AFF2: variants seen among roughly 807,000 people sequenced by gnomAD.
AFF2 encodes ALF transcription elongation factor 2, also known as AF4/FMR2 family member 2.
A neutral mutation model predicts 76.9 loss-of-function variants in AFF2; 14 were observed. The ratio of observed to expected loss-of-function variants is 0.18; its 90% CI spans 0.12 to 0.28. The LOEUF is 0.28. Among genes scored for constraint, AFF2 ranks in the 10% least tolerant of loss-of-function variants. The pLI is 1.00. For synonymous variants in AFF2, 398 were observed against 366.7 expected (o/e 1.09, Z -0.98); for missense variants, 868 against 1,001.1 (o/e 0.87, Z 1.79).
chrX:148,787,712 A>G (rs1429114706), intron 3 of AFF2, among the ~76,000 whole-genome samples: 4 of 112,397 alleles, frequency 3.6e-5, no homozygotes, highest in Admixed American at 2.8e-4. Context: ...TGGTTGACAT[A>G]GATGGGAAAA....
At chrX:148,674,931 C>T (rs953228224) in intron 3 of AFF2, among the ~76,000 whole-genome samples, 6 of 112,476 alleles carry the variant, frequency 5.3e-5, no homozygotes, top group African/African-American at 1.3e-4. Context: ...GTATAGCCTA[C>T]GACTTTGAGT....
chrX:148,543,833 G>C (rs1180851964), intron 1 of AFF2, among the ~76,000 whole-genome samples: 2 of 112,259 alleles, frequency 1.8e-5, no homozygotes, highest in African/African-American at 6.5e-5. Flanking sequence ...TTTGTTTAAT[G>C]ATCTGCACGT....
intron 8 of AFF2, among the ~76,000 whole-genome samples, chrX:148,897,271 A>G (rs1190158563): frequency 6.3e-5 from 1 of 15,893 alleles, no homozygotes; most frequent in African/African-American, 3.4e-4. Flanking sequence ...ATATATATAT[A>G]TGTATATGAA....
intron 2 of AFF2, among the ~76,000 whole-genome samples, chrX:148,653,678 T>C (rs2054224866): frequency 9.0e-6 from 1 of 111,115 alleles, no homozygotes; most frequent in South Asian, 3.8e-4. Context: ...TTGTAATTGA[T>C]GAGGGGAGCT....
intron 7 of AFF2, among the ~76,000 whole-genome samples, chrX:148,882,785 A>G (rs2071113524): frequency 8.9e-6 from 1 of 112,277 alleles, no homozygotes; most frequent in African/African-American, 3.2e-5. Flanking sequence ...TGAAAATGCA[A>G]ACAAGTACAT....
At chrX:148,550,867 T>C (rs782157537) in intron 1 of AFF2, among the ~76,000 whole-genome samples, 1 of 110,534 alleles carries the variant, frequency 9.0e-6, no homozygotes, top group South Asian at 3.9e-4. Flanking sequence ...TATATGTGAA[T>C]CAGGGTTTCT....
chrX:148,743,197 T>C (rs1411809303), intron 3 of AFF2, among the ~76,000 whole-genome samples: 1 of 112,232 alleles, frequency 8.9e-6, no homozygotes, highest in Non-Finnish European at 1.9e-5. Flanking sequence ...AAACAAATGG[T>C]ATTACATTAT....
chrX:148,882,710 A>G (rs933268930), intron 7 of AFF2, among the ~76,000 whole-genome samples: 3 of 112,082 alleles, frequency 2.7e-5, no homozygotes, highest in African/African-American at 9.7e-5. Context: ...TGCTATAATA[A>G]TTAAATCTAA....
chrX:148,721,458 T>A (rs924125372), intron 3 of AFF2, among the ~76,000 whole-genome samples: 1 of 111,767 alleles, frequency 8.9e-6, no homozygotes, highest in African/African-American at 3.3e-5. Flanking sequence ...TGAAAATCAT[T>A]GTGCGGATAA....
chrX:148,512,965 A>T (rs2052498190), intron 1 of AFF2, among the ~76,000 whole-genome samples: 1 of 111,654 alleles, frequency 9.0e-6, no homozygotes, highest in Non-Finnish European at 1.9e-5. Flanking sequence ...TGTAAGGAAG[A>T]TTCACTGATT....
intron 1 of AFF2, among the ~76,000 whole-genome samples, chrX:148,540,552 G>C (rs1259087157): frequency 9.0e-6 from 1 of 110,669 alleles, no homozygotes; most frequent in African/African-American, 3.3e-5. Flanking sequence ...TTGTGCCTTA[G>C]TGTCATTCCC....
chrX:148,551,482 G>GAAA (rs781883999), intron 1 of AFF2, among the ~76,000 whole-genome samples: 76 of 37,996 alleles, frequency 2.0e-3, no homozygotes, highest in African/African-American at 6.4e-3. Context: ...GCTGGGAAGT[G>GAAA]AAAAAAAAAA....
At chrX:148,754,421 C>T (rs974117674) in intron 3 of AFF2, among the ~76,000 whole-genome samples, 7 of 109,041 alleles carry the variant, frequency 6.4e-5, no homozygotes, top group African/African-American at 2.3e-4. Flanking sequence ...GAGCTGATAA[C>T]TGTTTTCTTC....
At chrX:148,741,408 G>C (rs2055349865) in intron 3 of AFF2, among the ~76,000 whole-genome samples, 2 of 110,186 alleles carry the variant, frequency 1.8e-5, no homozygotes, top group African/African-American at 6.6e-5. Context: ...CAGGTAGTCA[G>C]GGAAGTGGGG....
chrX:148,944,732 C>T (rs374476152), intron 9 of AFF2, among the ~76,000 whole-genome samples: 19 of 110,410 alleles, frequency 1.7e-4, no homozygotes, highest in African/African-American at 6.3e-4. Flanking sequence ...GCCAGTCTTA[C>T]TGGGAACATG....
intron 9 of AFF2, among the ~76,000 whole-genome samples, chrX:148,943,461 T>C (rs782341857): frequency 8.9e-6 from 1 of 111,986 alleles, no homozygotes; most frequent in African/African-American, 3.2e-5. Context: ...ATGAGTTTTG[T>C]AGTGGGTTTT....
chrX:148,810,783 G>A (rs1229960236), intron 4 of AFF2, among the ~76,000 whole-genome samples: 1 of 112,042 alleles, frequency 8.9e-6, no homozygotes, highest in Non-Finnish European at 1.9e-5. Flanking sequence ...GTGTAGTCAT[G>A]TAAAAACCAT....
At chrX:148,796,992 A>T (rs986626150) in intron 3 of AFF2, among the ~76,000 whole-genome samples, 1 of 112,399 alleles carries the variant, frequency 8.9e-6, no homozygotes, top group African/African-American at 3.2e-5. Context: ...TAAAAATTGA[A>T]CTATCTACAT....
At chrX:148,650,136 G>A (rs1289257393) in intron 1 of AFF2, among the ~76,000 whole-genome samples, 1 of 110,649 alleles carries the variant, frequency 9.0e-6, no homozygotes, top group Non-Finnish European at 1.9e-5. Context: ...TAAATTGATG[G>A]GATTGGATTA....
Sources: gnomAD v4.1 joint callset for allele counts (sites outside exome capture counted in the v4.1 genomes callset) on GRCh38, gnomAD v4.1.1 for gene constraint, MANE v1.5 for transcripts, NCBI Gene and HGNC (gene_info 2026-07-23, HGNC 2026-07-21) for gene names.